Variants in PRTG observed in about 807,000 individuals in gnomAD.
The protein encoded by PRTG is immunoglobulin superfamily, DCC subclass, member 5.
In PRTG, 67 loss-of-function variants were observed where a neutral mutation model predicts 122.5. The observed-to-expected ratio is 0.55, with a 90% confidence interval of 0.45 to 0.67. The LOEUF (loss-of-function observed/expected upper bound fraction) is 0.67, where lower values mean the gene tolerates loss of function less well. Ranked by LOEUF, PRTG falls within the 30% of genes least tolerant of loss-of-function variation. The pLI is 0.00. For synonymous variants in PRTG, 554 were observed against 501.1 expected (o/e 1.11, Z -1.41); for missense variants, 1,435 against 1,415.4 (o/e 1.01, Z -0.22).
intron 11 of PRTG, among the ~76,000 whole-genome samples, chr15:55,654,847 G>T (rs1466943836): frequency 6.6e-6 from 1 of 152,172 alleles, no homozygotes. Context: ...TGACCCTTAT[G>T]TGAAGCAACA....
intron 2 of PRTG, among the ~76,000 whole-genome samples, chr15:55,694,931 C>T (rs2059623981): frequency 6.6e-6 from 1 of 152,090 alleles, no homozygotes; most frequent in South Asian, 2.1e-4. Context: ...AACCAAGAGC[C>T]CCACAAGAAG....
At position 55,626,992 on chromosome 15, in the gene PRTG, A is replaced by G. The variant is rs1458495635; in HGVS notation, c.2927+16T>C. On this transcript the variant is annotated intron_variant, in intron 17 of 19. Transcript: ENST00000389286. ...AAATGTTTTTCACCTCAACATCTCT[A>G]GCAATGGAAACACACCTGGCTTTAC... 1.3e-6 allele frequency: 2 copies of G among 1,591,604 alleles called. No individual in the cohort carries two copies. The highest frequency in any genetic ancestry group is 1.7e-6 in the Non-Finnish European group (2 of 1,171,908).
chr15:55,718,719 G>A (rs2141864923), intron 2 of PRTG, among the ~76,000 whole-genome samples: 1 of 150,992 alleles, frequency 6.6e-6, no homozygotes, highest in Non-Finnish European at 1.5e-5. Context: ...TCATGTTTAT[G>A]ATAGGCCTCT....
chr15:55,681,217 T>G (rs2059536105), intron 4 of PRTG: 1 of 152,104 alleles, frequency 6.6e-6, no homozygotes, highest in Non-Finnish European at 1.5e-5. Context: ...TTTATTTATA[T>G]AATTATCTAA....
intron 13 of PRTG, 86 bp from the exon 14 acceptor site, chr15:55,638,762 C>T: frequency 1.7e-6 from 2 of 1,180,438 alleles, no homozygotes; most frequent in Non-Finnish European, 2.4e-6. Context: ...TAGGTAAGGG[C>T]ATAATGTTAT....
intron 11 of PRTG, among the ~76,000 whole-genome samples, chr15:55,662,779 T>G (rs2059417157): frequency 6.6e-6 from 1 of 152,230 alleles, no homozygotes; most frequent in African/African-American, 2.4e-5. Flanking sequence ...AAAAGTGACC[T>G]AACTTCTTTT....
At position 55,620,475 on chromosome 15, in the gene PRTG, T is replaced by C. The variant is rs74017541; in HGVS notation, c.3198+188A>G. Among the ~76,000 whole-genome samples, 1,201 of 152,290 alleles carry C rather than the reference T, an allele frequency of 7.9e-3. 18 individuals are homozygous for C. The highest frequency in any genetic ancestry group is 0.026 in the African/African-American group (1,096 of 41,564). ...TACTCCCCACTGAAAACCACAGCTC[T>C]GATGACTATTCCAACTTCTGTTATC... On this transcript the variant is annotated intron_variant, in intron 19 of 19. Transcript: ENST00000389286.
intron 2 of PRTG, among the ~76,000 whole-genome samples, chr15:55,706,587 A>C (rs1398470911): frequency 2.0e-5 from 2 of 99,224 alleles, no homozygotes. Context: ...TCTACCAAAA[A>C]AAAAAAAAAA....
intron 2 of PRTG, among the ~76,000 whole-genome samples, chr15:55,709,907 G>A (rs1287661164): frequency 6.6e-6 from 1 of 152,178 alleles, no homozygotes; most frequent in Non-Finnish European, 1.5e-5. Context: ...AGATGAGTAT[G>A]TTCTCATTGT....
chr15:55,742,877 G>A lies in PRTG; in HGVS notation c.55C>T (p.Arg19Cys), dbSNP rs1037993395. ...ARLRPPGMLL[R>C]ALLLLLLLSP... The stretch of plus-strand genomic sequence containing the variant: ...AGCAGCAGCAGGAGCAGGAGCGCGC[G>A]GAGCAGCATCCCCGGCGGTCGCAGC... Residue 19 changes from arginine to cysteine, a missense_variant, in exon 1 of 20, where the codon CGC becomes TGC. Arg to Cys is a radical substitution (Grantham distance 180). Coordinates refer to ENST00000389286, the MANE Select transcript of PRTG (RefSeq NM_173814.6). The A allele has an allele frequency of 1.3e-6, 2 of 1,535,050 alleles. No individual in the cohort carries two copies. The highest frequency in any genetic ancestry group is 1.4e-5 in the African/African-American group (1 of 70,514).
chr15:55,646,173 G>GTT lies in PRTG; in HGVS notation c.2042-4967_2042-4966dup, dbSNP rs545958068. 2.6e-3 allele frequency among the ~76,000 whole-genome samples: 321 copies of GTT among 124,300 alleles called. 3 individuals carry two copies. The highest frequency in any genetic ancestry group is 8.1e-3 in the East Asian group (33 of 4,088). 81.5% of individuals were successfully genotyped at this position (124,300 alleles called of 152,430 possible). The stretch of plus-strand genomic sequence containing the variant: ...AGGCATGCACCACCATGCCCAGCTA[G>GTT]TTTTTTTTTTTTTTTTTTTTAGTAC... On this transcript the variant is annotated intron_variant, in intron 11 of 19. Coordinates refer to ENST00000389286, the MANE Select transcript of PRTG (RefSeq NM_173814.6).
At chr15:55,733,366 C>T (rs1484589202) in intron 2 of PRTG, among the ~76,000 whole-genome samples, 1 of 151,386 alleles carries the variant, frequency 6.6e-6, no homozygotes, top group African/African-American at 2.4e-5. Flanking sequence ...CAAAATTAGC[C>T]AGGCATGGTG....
At chr15:55,680,260 G>T in intron 5 of PRTG, 48 bp from the exon 6 acceptor site, 1 of 1,442,556 alleles carries the variant, frequency 6.9e-7, no homozygotes. Flanking sequence ...CAAATAACCT[G>T]AAATTATGTC....
intron 2 of PRTG, among the ~76,000 whole-genome samples, chr15:55,739,554 A>G (rs2031544936): frequency 1.3e-5 from 2 of 152,174 alleles, no homozygotes; most frequent in Non-Finnish European, 2.9e-5. Context: ...GGTTTTCGAG[A>G]TTTAGTCTGT....
chr15:55,612,697 AAT>A lies in PRTG; in HGVS notation c.*7313_*7314del, dbSNP rs59773365. On this transcript the variant is annotated 3_prime_UTR_variant, in exon 20 of 20. Coordinates refer to ENST00000389286, the MANE Select transcript of PRTG (RefSeq NM_173814.6). ...TTCTCTCTTTAACTCTTTAAAAGCCAATATATATATATATATATATATATATA... is the reference window on the plus strand; with the variant it reads ...TTCTCTCTTTAACTCTTTAAAAGCCAATATATATATATATATATATATATA... The A allele has an allele frequency of 6.6e-4, 79 of 120,442 alleles. No individual in the cohort carries two copies. Among genetic ancestry groups the A allele is most frequent in the African/African-American group, 1.4e-3 (30 of 21,334 alleles). The allele number at this position is 120,442 out of a possible 1,614,324, so 7.5% of individuals were successfully genotyped here.
chr15:55,633,650 C>T (rs1445937476), intron 15 of PRTG, among the ~76,000 whole-genome samples: 1 of 152,144 alleles, frequency 6.6e-6, no homozygotes, highest in African/African-American at 2.4e-5. Flanking sequence ...CCAAAAGCTG[C>T]CATAATTATA....
chr15:55,638,605 A>G lies in PRTG; in HGVS notation c.2396T>C (p.Val799Ala). 1.9e-6 allele frequency: 3 copies of G among 1,613,640 alleles called. No homozygotes were observed. In the East Asian group the frequency reaches 6.7e-5, roughly 36 times the overall value. Reference protein sequence around the residue: ...TKYEFAVRLHVDQLSSPWSPV... With the variant: ...TKYEFAVRLHADQLSSPWSPV... ...GCTCCAAGGACTGGAAAGCTGATCC[A>G]CATGTAATCGAACGGCAAATTCGTA... The change falls in exon 14 of 20, where the codon GTG (valine) becomes GCG (alanine). Residue 799 changes from valine to alanine, a missense_variant. Coordinates refer to ENST00000389286, the MANE Select transcript of PRTG (RefSeq NM_173814.6).
At chr15:55,703,861 T>C (rs984911921) in intron 2 of PRTG, among the ~76,000 whole-genome samples, 1 of 152,314 alleles carries the variant, frequency 6.6e-6, no homozygotes, top group African/African-American at 2.4e-5. Context: ...TTGAAAGACA[T>C]CCCCAACTGG....
chr15:55,614,292 C>T lies in PRTG; in HGVS notation c.*5720G>A, dbSNP rs929010068. The T allele has an allele frequency of 2.6e-5, 4 of 152,040 alleles. No individual in the cohort carries two copies. The highest frequency in any genetic ancestry group is 7.2e-5 in the African/African-American group (3 of 41,416). The allele number at this position is 152,040 out of a possible 1,614,324, so 9.4% of individuals were successfully genotyped here. ...TCAAATTTCCTAGGAAATGTATATA[C>T]ATGCTGATGGCATAAGGAGAGGCTC... On this transcript the variant is annotated 3_prime_UTR_variant, in exon 20 of 20. Coordinates refer to ENST00000389286, the MANE Select transcript of PRTG (RefSeq NM_173814.6).
Sources: gnomAD v4.1 joint callset for allele counts (sites outside exome capture counted in the v4.1 genomes callset) on GRCh38, gnomAD v4.1.1 for gene constraint, MANE v1.5 for transcripts, NCBI Gene and HGNC (gene_info 2026-07-23, HGNC 2026-07-21) for gene names.